Variants in ADI1 observed in about 807,000 individuals in gnomAD.
ADI1 encodes the protein acireductone dioxygenase 1, also known as acireductone dioxygenase.
A neutral mutation model predicts 18.7 loss-of-function variants in ADI1; 21 were observed. The ratio of observed to expected loss-of-function variants is 1.13; its 90% CI spans 0.80 to 1.62. The LOEUF (loss-of-function observed/expected upper bound fraction) is 1.62, where lower values mean the gene tolerates loss of function less well. ADI1 is among the 40% of genes most tolerant of loss of function. The pLI is 0.00. For synonymous variants in ADI1, 90 were observed against 100.1 expected (o/e 0.90, Z 0.60); for missense variants, 245 against 254.9 (o/e 0.96, Z 0.26).
Position 3,510,268 on chromosome 2 carries a change from T to C in ADI1, c.240+3589A>G, listed in dbSNP as rs377373047. ...CATTCAAGACTGCAGTGAGCTATGA[T>C]TGCACCACTGCACTTTAGCCTGGGT... On this transcript the variant is annotated intron_variant, in intron 2 of 3. Coordinates refer to ENST00000327435, the MANE Select transcript of ADI1 (RefSeq NM_018269.4). Among the ~76,000 whole-genome samples, 51 of 152,176 alleles carry C rather than the reference T, an allele frequency of 3.4e-4. No individual in the cohort carries two copies. In the Middle Eastern group the frequency reaches 0.014, roughly 41 times the overall value.
At chr2:3,512,328 G>A (rs1354768178) in intron 2 of ADI1, among the ~76,000 whole-genome samples, 1 of 152,194 alleles carries the variant, frequency 6.6e-6, no homozygotes, top group Non-Finnish European at 1.5e-5. Flanking sequence ...CAAGGCAATG[G>A]GGAAAAAACC....
chr2:3,518,692 G>A (rs976781990), intron 1 of ADI1, among the ~76,000 whole-genome samples: 1 of 141,946 alleles, frequency 7.0e-6, no homozygotes, highest in African/African-American at 2.6e-5. Context: ...GCTGGCGCCC[G>A]GTCCCTCCCC....
intron 1 of ADI1, chr2:3,516,984 C>T (rs1667424110): frequency 6.2e-6 from 6 of 970,670 alleles, no homozygotes; most frequent in Non-Finnish European, 7.3e-6. Context: ...CCTCAGCCTC[C>T]CAAAGTGCTG....
In ADI1 at chr2:3,505,422, A is replaced by C. The variant is rs546885278; in HGVS notation, c.241-4429T>G. On this transcript the variant is annotated intron_variant, in intron 2 of 3. Coordinates refer to ENST00000327435, the MANE Select transcript of ADI1 (RefSeq NM_018269.4). ...TAGACAAGTCTGAGAGCTAAAAAAA[A>C]CTCCAGACCCAGTCATCAGGGGCCT... Among the ~76,000 whole-genome samples, 16 of 152,086 alleles carry C rather than the reference A, an allele frequency of 1.1e-4. No homozygotes were observed. The South Asian group carries it at 1.7e-3, about 16-fold the overall frequency.
chr2:3,503,194 C>CAT (rs148839809), intron 2 of ADI1, among the ~76,000 whole-genome samples: 1,654 of 151,006 alleles, frequency 0.011, 40 homozygotes, highest in South Asian at 0.066. Context: ...TGCACACATA[C>CAT]ATGCATGCAT....
chr2:3,511,711 G>A (rs1295246163), intron 2 of ADI1, among the ~76,000 whole-genome samples: 1 of 152,240 alleles, frequency 6.6e-6, no homozygotes, highest in East Asian at 1.9e-4. Flanking sequence ...GAGACTAGAA[G>A]TGTGTAGAAG....
chr2:3,500,712 C>A (rs1397654442), intron 3 of ADI1, 102 bp downstream of exon 3: 1 of 1,501,820 alleles, frequency 6.7e-7, no homozygotes, highest in South Asian at 1.2e-5. Context: ...AGCCCAGCGA[C>A]CGCGCTTGGA....
intron 1 of ADI1, chr2:3,516,863 G>T: frequency 1.0e-6 from 1 of 985,320 alleles, no homozygotes; most frequent in Non-Finnish European, 1.2e-6. Flanking sequence ...TAAAAATTAT[G>T]GGAGATGTTA....
At chr2:3,500,221 C>G (rs1666963521) in intron 3 of ADI1, among the ~76,000 whole-genome samples, 1 of 152,042 alleles carries the variant, frequency 6.6e-6, no homozygotes, top group African/African-American at 2.4e-5. Flanking sequence ...TCACCAGGTC[C>G]CCTTTCATAT....
intron 1 of ADI1, chr2:3,516,712 C>A (rs1667417048): frequency 1.0e-6 from 1 of 983,462 alleles, no homozygotes; most frequent in Admixed American, 6.2e-5. Context: ...TTTGTTATAG[C>A]AGCAGGTATT....
At chr2:3,510,815 C>G (rs1169833991) in intron 2 of ADI1, among the ~76,000 whole-genome samples, 1 of 152,128 alleles carries the variant, frequency 6.6e-6, no homozygotes, top group East Asian at 1.9e-4. Flanking sequence ...ACAAAGAAAA[C>G]TACAAGGCCA....
chr2:3,500,482 G>T, intron 3 of ADI1: 2 of 208,274 alleles, frequency 9.6e-6, no homozygotes, highest in Non-Finnish European at 7.7e-6. Context: ...ATGCCTCACC[G>T]CCAAGCAAGG....
chr2:3,503,814 G>A (rs920069332), intron 2 of ADI1, among the ~76,000 whole-genome samples: 23 of 152,308 alleles, frequency 1.5e-4, no homozygotes, highest in African/African-American at 4.8e-4. Context: ...CTGGGACAAC[G>A]TGAAGATCAA....
Position 3,504,985 on chromosome 2 carries a change from TGTTCACCTGTGTATGTTTGTATTGTTG to T in ADI1, c.241-4019_241-3993del, listed in dbSNP as rs1667144311. Among the ~76,000 whole-genome samples the T allele has an allele frequency of 6.6e-5, 10 of 152,112 alleles. No homozygotes were observed. In the South Asian group the frequency reaches 1.5e-3, roughly 22 times the overall value. The stretch of plus-strand genomic sequence containing the variant: ...TTCACCTGTGTATGTTTGTATTGTC[TGTTCACCTGTGTATGTTTGTATTGTTG>T]GTTCACCTGAGTATGTTTGCATTGT... On this transcript the variant is annotated intron_variant, in intron 2 of 3. Transcript: ENST00000327435.
intron 2 of ADI1, among the ~76,000 whole-genome samples, chr2:3,503,117 A>G (rs1667063212): frequency 1.3e-5 from 2 of 152,092 alleles, no homozygotes; most frequent in African/African-American, 4.8e-5. Flanking sequence ...CCATGCTAGC[A>G]TTCACACACA....
chr2:3,500,768 G>A, intron 3 of ADI1, 46 bp downstream of exon 3: 9 of 1,611,330 alleles, frequency 5.6e-6, no homozygotes, highest in Non-Finnish European at 7.6e-6. Flanking sequence ...CCACGGCCAG[G>A]GCCACCACAC....
At chr2:3,508,776 C>T (rs1667231936) in intron 2 of ADI1, among the ~76,000 whole-genome samples, 1 of 151,900 alleles carries the variant, frequency 6.6e-6, no homozygotes, top group South Asian at 2.1e-4. Context: ...TGGTGGTGTG[C>T]ACCTGTAGTC....
intron 2 of ADI1, among the ~76,000 whole-genome samples, chr2:3,504,572 T>A (rs1367779313): frequency 6.6e-6 from 1 of 152,198 alleles, no homozygotes; most frequent in African/African-American, 2.4e-5. Context: ...TCATTTGACA[T>A]AGAGAAAAGG....
chr2:3,517,599 C>A (rs1406700007), intron 1 of ADI1: 1 of 152,100 alleles, frequency 6.6e-6, no homozygotes, highest in Non-Finnish European at 1.5e-5. Flanking sequence ...AACCCTGTCT[C>A]TACTAAAAAT....
Sources: gnomAD v4.1 joint callset for allele counts (sites outside exome capture counted in the v4.1 genomes callset) on GRCh38, gnomAD v4.1.1 for gene constraint, MANE v1.5 for transcripts, NCBI Gene and HGNC (gene_info 2026-07-23, HGNC 2026-07-21) for gene names.